The following DNAI4 variants were observed in gnomAD, a reference collection of about 807,000 sequenced individuals.
DNAI4 encodes the protein dynein axonemal intermediate chain 4.
DNAI4 carries 85 observed loss-of-function variants against 105.8 expected under a neutral mutation model. The ratio of observed to expected loss-of-function variants is 0.80; its 90% confidence interval spans 0.67 to 0.96. The LOEUF is 0.96. Ranked by LOEUF, DNAI4 falls within the 40% of genes least tolerant of loss-of-function variation. DNAI4 has a pLI of 0.00. For synonymous variants in DNAI4, 352 were observed against 331.5 expected, an observed-to-expected ratio of 1.06 and a Z score of -0.67; for missense variants, 1,014 against 1,005.6, an observed-to-expected ratio of 1.01 and a Z score of -0.11.
Position 66,874,897 on chromosome 1 carries a change from T to A in DNAI4, c.684A>T (p.Thr228=). 1.2e-6 allele frequency: 2 copies of A among 1,612,410 alleles called. No individual in the cohort carries two copies. The highest frequency in any genetic ancestry group is 1.7e-6 in the Non-Finnish European group (2 of 1,179,514). Residue 228 remains threonine, a synonymous_variant, in exon 5 of 17, where the codon ACA becomes ACT. Coordinates refer to ENST00000371026, the MANE Select transcript of DNAI4 (RefSeq NM_024763.5). ...VIRAAPEKIV[T]KEDLEKNIEI... ...CTATATTCTTCTCCAGGTCTTCTTT[T>A]GTTACAATTTTTTCAGGTGCTGCCC... is the stretch of plus-strand genomic sequence containing the variant.
intron 6 of DNAI4, among the ~76,000 whole-genome samples, chr1:66,865,530 G>A (rs921558697): frequency 6.6e-5 from 10 of 152,134 alleles, no homozygotes; most frequent in African/African-American, 9.7e-5. Context: ...GAGAAATGGA[G>A]GTCAAAATAT....
At position 66,835,658 on chromosome 1, in the gene DNAI4, C is replaced by G; in HGVS notation, c.1701G>C (p.Arg567=). The G allele has an allele frequency of 6.2e-7, 1 of 1,614,108 alleles. No homozygotes were observed. Among genetic ancestry groups the G allele is most frequent in the Non-Finnish European group, 8.5e-7 (1 of 1,179,996 alleles). ...CCAGAACTGGAACATTACTGTTGCT[C>G]CGTACATTGTAAATTGCAATTGTGC... The part of the protein sequence containing the change: ...HNGTIAIYNV[R]SNSNVPVLDS... Residue 567 remains arginine, a synonymous_variant, in exon 11 of 17, where the codon CGG becomes CGC. Transcript: ENST00000371026.
intron 8 of DNAI4, among the ~76,000 whole-genome samples, chr1:66,844,773 T>A (rs1469315905): frequency 6.6e-6 from 1 of 152,062 alleles, no homozygotes; most frequent in Non-Finnish European, 1.5e-5. Flanking sequence ...AAAACTTCTG[T>A]TCATCAAAAA....
intron 1 of DNAI4, among the ~76,000 whole-genome samples, chr1:66,910,194 C>T (rs1649552952): frequency 6.6e-6 from 1 of 151,900 alleles, no homozygotes; most frequent in South Asian, 2.1e-4. Flanking sequence ...GCCTGGGCAA[C>T]AGAGCGAGAC....
In DNAI4 at chr1:66,907,980, T is replaced by C. The variant is rs142012934; in HGVS notation, c.171-2605A>G. On this transcript the variant is annotated intron_variant, in intron 1 of 16. Coordinates refer to ENST00000371026, the MANE Select transcript of DNAI4 (RefSeq NM_024763.5). ...TTCCTCTACCATCTTTCTCATGCCA[T>C]CTCTTCCCTCTTGAGGTTATGGTTA... Among the ~76,000 whole-genome samples, 559 of 152,334 alleles carry C rather than the reference T, an allele frequency of 3.7e-3. 3 individuals are homozygous for C. The highest frequency in any genetic ancestry group is 0.012 in the African/African-American group (514 of 41,576).
chr1:66,836,161 AAAG>A (rs1645986262), intron 10 of DNAI4, among the ~76,000 whole-genome samples: 1 of 45,172 alleles, frequency 2.2e-5, no homozygotes, highest in Non-Finnish European at 5.1e-5. Context: ...AGAAAGAAAG[AAAG>A]AAAGAAAGAA....
intron 6 of DNAI4, among the ~76,000 whole-genome samples, chr1:66,864,604 C>A (rs1434224848): frequency 1.3e-4 from 20 of 152,196 alleles, no homozygotes; most frequent in Non-Finnish European, 1.5e-5. Context: ...GTAATCCCAG[C>A]ACTTTGGGAG....
chr1:66,920,666 AC>A (rs1247997599), intron 1 of DNAI4, among the ~76,000 whole-genome samples: 1 of 152,036 alleles, frequency 6.6e-6, no homozygotes, highest in African/African-American at 2.4e-5. Flanking sequence ...AGTGGAGTTC[AC>A]CCCTGCCAGC....
chr1:66,861,787 G>C (rs1255311597), intron 7 of DNAI4, among the ~76,000 whole-genome samples: 1 of 152,162 alleles, frequency 6.6e-6, no homozygotes, highest in Non-Finnish European at 1.5e-5. Context: ...TGTTGTTAAT[G>C]TATAAATCCA....
At position 66,835,518 on chromosome 1, in the gene DNAI4, T is replaced by C. The variant is rs2100428977; in HGVS notation, c.1733+108A>G. On this transcript the variant is annotated intron_variant, in intron 11 of 16. Transcript: ENST00000371026. ...TTATGAAATGTTTCAAAAATAATGG[T>C]ATCACTCTCAGTAACAACAAAAATA... 1.3e-5 allele frequency: 15 copies of C among 1,137,568 alleles called. 1 individual carries two copies. In the South Asian group the frequency reaches 2.3e-4, roughly 17 times the overall value. 70.5% of individuals were successfully genotyped at this position (1,137,568 alleles called of 1,614,324 possible). A position where few individuals can be genotyped will look rare whatever the true frequency, so the allele number is the denominator to read the frequency against.
At chr1:66,860,260 C>T (rs1557933679) in intron 7 of DNAI4, among the ~76,000 whole-genome samples, 1 of 151,980 alleles carries the variant, frequency 6.6e-6, no homozygotes, top group East Asian at 1.9e-4. Flanking sequence ...TGGACGTTTT[C>T]CCCCCTTGAG....
intron 6 of DNAI4, among the ~76,000 whole-genome samples, chr1:66,865,135 T>C (rs1191449391): frequency 1.3e-5 from 2 of 151,898 alleles, no homozygotes; most frequent in Non-Finnish European, 2.9e-5. Flanking sequence ...ATTAAGATTT[T>C]ATGGATGCCA....
chr1:66,922,055 G>A (rs1650525606), intron 1 of DNAI4, among the ~76,000 whole-genome samples: 1 of 151,876 alleles, frequency 6.6e-6, no homozygotes, highest in African/African-American at 2.4e-5. Context: ...ATGCCACCAC[G>A]CCTGGCTCAA....
At chr1:66,873,743 A>G (rs1646898828) in intron 5 of DNAI4, among the ~76,000 whole-genome samples, 1 of 151,304 alleles carries the variant, frequency 6.6e-6, no homozygotes, top group African/African-American at 2.4e-5. Flanking sequence ...AGAACCCAAG[A>G]CTCATCACTG....
chr1:66,862,364 T>C lies in DNAI4; in HGVS notation c.941-62A>G. The C allele has an allele frequency of 2.7e-6, 4 of 1,506,248 alleles. No individual in the cohort carries two copies. The South Asian group carries it at 3.6e-5, about 14-fold the overall frequency. 93.3% of individuals were successfully genotyped at this position (1,506,248 alleles called of 1,614,324 possible). On this transcript the variant is annotated intron_variant, in intron 6 of 16. Coordinates refer to ENST00000371026, the MANE Select transcript of DNAI4 (RefSeq NM_024763.5). ...ACCAAATTCCAACATTTTAGCTTTA[T>C]ACATAACTAGTCACAGAAAAAGCTA... is the stretch of plus-strand genomic sequence containing the variant.
intron 1 of DNAI4, among the ~76,000 whole-genome samples, chr1:66,922,189 A>G (rs927999862): frequency 3.9e-5 from 6 of 152,122 alleles, no homozygotes; most frequent in Non-Finnish European, 5.9e-5. Flanking sequence ...AGCCTCATAA[A>G]GTGGTGGAAT....
intron 1 of DNAI4, among the ~76,000 whole-genome samples, chr1:66,908,642 T>C (rs1649431549): frequency 6.6e-6 from 1 of 152,176 alleles, no homozygotes; most frequent in Admixed American, 6.5e-5. Context: ...CCCTAAATTT[T>C]GCAATAATAC....
At chr1:66,924,442 G>C (rs1422116725) in intron 1 of DNAI4, among the ~76,000 whole-genome samples, 5 of 152,138 alleles carry the variant, frequency 3.3e-5, no homozygotes, top group Non-Finnish European at 7.4e-5. Context: ...AAAGTGCCGG[G>C]ATTACAGGTG....
intron 4 of DNAI4, among the ~76,000 whole-genome samples, chr1:66,883,615 G>A (rs1184295120): frequency 6.6e-6 from 1 of 152,078 alleles, no homozygotes; most frequent in Non-Finnish European, 1.5e-5. Context: ...TAAAAAGTAA[G>A]CCTAGTTTCA....
Sources: gnomAD v4.1 joint callset for allele counts (sites outside exome capture counted in the v4.1 genomes callset) on GRCh38, gnomAD v4.1.1 for gene constraint, MANE v1.5 for transcripts, NCBI Gene and HGNC (gene_info 2026-07-23, HGNC 2026-07-21) for gene names.